JAZF1: variants seen among roughly 807,000 people sequenced by gnomAD.
The protein encoded by JAZF1 is juxtaposed with another zinc finger protein 1.
In JAZF1, 8 loss-of-function variants were observed where a neutral mutation model predicts 26.4. The ratio of observed to expected loss-of-function variants is 0.30; its 90% confidence interval spans 0.18 to 0.55. The LOEUF (loss-of-function observed/expected upper bound fraction) is 0.55. Among genes scored for constraint, JAZF1 ranks in the 20% least tolerant of loss-of-function variants. The pLI is 0.94. For missense variants in JAZF1, 199 were observed against 322.0 expected (o/e 0.62, Z 2.92); for synonymous variants, 126 against 122.3 (o/e 1.03, Z -0.20).
At chr7:27,980,249 A>G (rs964463178) in intron 2 of JAZF1, among the ~76,000 whole-genome samples, 3 of 152,032 alleles carry the variant, frequency 2.0e-5, no homozygotes, top group African/African-American at 7.3e-5. Flanking sequence ...TCATTTTTTC[A>G]CAGGTATACT....
chr7:28,042,632 T>C (rs1315846576), intron 1 of JAZF1, among the ~76,000 whole-genome samples: 1 of 152,234 alleles, frequency 6.6e-6, no homozygotes, highest in East Asian at 1.9e-4. Context: ...AGACATGTAC[T>C]GCAGAACAAC....
chr7:27,987,383 C>T (rs1372049601), intron 2 of JAZF1, among the ~76,000 whole-genome samples: 1 of 150,948 alleles, frequency 6.6e-6, no homozygotes, highest in Admixed American at 6.6e-5. Flanking sequence ...TCTGCCCGGC[C>T]GCCCCGTCTG....
chr7:27,899,676 C>T (rs1784136049), intron 2 of JAZF1, among the ~76,000 whole-genome samples: 1 of 152,092 alleles, frequency 6.6e-6, no homozygotes, highest in Non-Finnish European at 1.5e-5. Context: ...CTCAAGCAAT[C>T]CTCCCACCCA....
At chr7:28,147,477 C>A (rs1783045055) in intron 1 of JAZF1, among the ~76,000 whole-genome samples, 2 of 148,442 alleles carry the variant, frequency 1.3e-5, no homozygotes, top group Non-Finnish European at 3.0e-5. Context: ...CACTTTTCCT[C>A]TACTAGTAAA....
At chr7:28,078,538 G>GT (rs1784089387) in intron 1 of JAZF1, among the ~76,000 whole-genome samples, 4 of 152,194 alleles carry the variant, frequency 2.6e-5, no homozygotes. Context: ...ACTGAAGATT[G>GT]TATTACTACC....
rs150071631 is a variant in JAZF1 at position 28,171,879 on chromosome 7, T to C, written c.115+8584A>G. Among the ~76,000 whole-genome samples, 87 of 152,308 alleles carry C rather than the reference T, an allele frequency of 5.7e-4. 1 individual carries two copies. The highest frequency in any genetic ancestry group is 1.0e-3 in the Non-Finnish European group (71 of 68,020). ...GCACATATAGTAATGATTCCCGAAT[T>C]GGGAGCTCAAGGAATAGACCCAAGT... is the stretch of plus-strand genomic sequence containing the variant. On this transcript the variant is annotated intron_variant, in intron 1 of 4. Transcript: ENST00000283928.
At chr7:28,025,398 T>C (rs970667786) in intron 1 of JAZF1, among the ~76,000 whole-genome samples, 7 of 152,122 alleles carry the variant, frequency 4.6e-5, no homozygotes, top group Non-Finnish European at 1.0e-4. Flanking sequence ...ACCACCACCA[T>C]GAGAAAAAGA....
Position 27,963,784 on chromosome 7 carries a change from T to C in JAZF1, c.188+28125A>G, listed in dbSNP as rs116122926. Among the ~76,000 whole-genome samples, 795 of 152,206 alleles carry C rather than the reference T, an allele frequency of 5.2e-3. 9 individuals carry two copies. Among genetic ancestry groups the C allele is most frequent in the African/African-American group, 0.018 (755 of 41,524 alleles). On this transcript the variant is annotated intron_variant, in intron 2 of 4. Transcript: ENST00000283928. ...GGTCTTGCTACATTGCCCAGGCTGA[T>C]TTCAAACTCCTGGGATCAAGCAATT...
chr7:28,155,915 T>C (rs976364175), intron 1 of JAZF1, among the ~76,000 whole-genome samples: 3 of 152,206 alleles, frequency 2.0e-5, no homozygotes, highest in Non-Finnish European at 2.9e-5. Flanking sequence ...TCTGGAAAAT[T>C]ATCTTAAGGG....
intron 3 of JAZF1, among the ~76,000 whole-genome samples, chr7:27,867,513 C>T (rs1484018418): frequency 1.3e-5 from 2 of 152,210 alleles, no homozygotes; most frequent in Non-Finnish European, 2.9e-5. Context: ...TTTAAGAAGG[C>T]TATTTGGCTT....
At chr7:28,083,517 G>C (rs951071341) in intron 1 of JAZF1, among the ~76,000 whole-genome samples, 1 of 152,122 alleles carries the variant, frequency 6.6e-6, no homozygotes, top group Non-Finnish European at 1.5e-5. Context: ...AACTTTTTAA[G>C]GCTGTTTGCA....
intron 3 of JAZF1, among the ~76,000 whole-genome samples, chr7:27,867,604 G>C (rs917372031): frequency 2.0e-5 from 3 of 152,226 alleles, no homozygotes; most frequent in Non-Finnish European, 4.4e-5. Context: ...ATAACCATCA[G>C]GGCTGCATTT....
intron 1 of JAZF1, among the ~76,000 whole-genome samples, chr7:28,069,909 G>T (rs1030945380): frequency 9.2e-5 from 14 of 152,110 alleles, no homozygotes; most frequent in Admixed American, 3.3e-4. Context: ...CCATGAGCTC[G>T]TTACTCCCCT....
At chr7:27,976,404 CA>C (rs1282345990) in intron 2 of JAZF1, among the ~76,000 whole-genome samples, 1 of 147,486 alleles carries the variant, frequency 6.8e-6, no homozygotes, top group African/African-American at 2.5e-5. Flanking sequence ...ATGAGCACAC[CA>C]AATCAAATTA....
At position 28,123,105 on chromosome 7, in the gene JAZF1, T is replaced by TCCC. The variant is rs371133637; in HGVS notation, c.115+57355_115+57357dup. Among the ~76,000 whole-genome samples the TCCC allele has an allele frequency of 1.0e-3, 152 of 151,646 alleles. 1 individual carries two copies. The highest frequency in any genetic ancestry group is 3.6e-3 in the African/African-American group (148 of 41,332). On this transcript the variant is annotated intron_variant, in intron 1 of 4. Transcript: ENST00000283928. ...CTACGTCACCCTGCATGCCCCACCC[T>TCCC]CCCTCTCTCCTCTAGCCACACTGCC...
chr7:28,091,273 T>C (rs1317592287), intron 1 of JAZF1, among the ~76,000 whole-genome samples: 4 of 152,060 alleles, frequency 2.6e-5, no homozygotes, highest in African/African-American at 7.2e-5. Flanking sequence ...TTTTATTATG[T>C]CTCAACTAGA....
Position 28,073,515 on chromosome 7 carries a change from T to C in JAZF1, c.116-81534A>G, listed in dbSNP as rs552928536. 2.1e-4 allele frequency among the ~76,000 whole-genome samples: 32 copies of C among 152,290 alleles called. 1 individual carries two copies. Among genetic ancestry groups the C allele is most frequent in the Admixed American group, 1.9e-3 (29 of 15,294 alleles). ...GCTTTATTTTCACTTTAAATCAAAGTAGTTTGTTAGGCTGTCTCTTAATAA... is the reference window on the plus strand; with the variant it reads ...GCTTTATTTTCACTTTAAATCAAAGCAGTTTGTTAGGCTGTCTCTTAATAA... On this transcript the variant is annotated intron_variant, in intron 1 of 4. Transcript: ENST00000283928.
chr7:28,018,703 T>C (rs1328075825), intron 1 of JAZF1, among the ~76,000 whole-genome samples: 2 of 152,182 alleles, frequency 1.3e-5, no homozygotes, highest in African/African-American at 4.8e-5. Flanking sequence ...ATACAACATA[T>C]TCTATGGTGG....
At chr7:28,177,374 T>A (rs1047798353) in intron 1 of JAZF1, among the ~76,000 whole-genome samples, 1 of 152,186 alleles carries the variant, frequency 6.6e-6, no homozygotes, top group Non-Finnish European at 1.5e-5. Context: ...CATACACATA[T>A]AAGATAACAG....
Sources: allele counts gnomAD v4.1 joint callset (sites outside exome capture counted in the v4.1 genomes callset), GRCh38; gene constraint gnomAD v4.1.1; transcripts MANE v1.5; gene names NCBI Gene and HGNC (gene_info 2026-07-23, HGNC 2026-07-21).